CNTNAP2: variants seen among roughly 807,000 people sequenced by gnomAD.
The protein encoded by CNTNAP2 is contactin associated protein 2.
A neutral mutation model predicts 155.2 loss-of-function variants in CNTNAP2; 98 were observed. That is an observed-to-expected ratio of 0.63 (90% CI 0.54 to 0.75). The LOEUF is 0.75. CNTNAP2 is among the 30% of genes least tolerant of loss of function. The pLI is 0.00. For missense variants in CNTNAP2, 1,727 were observed against 1,688.1 expected (o/e 1.02, Z -0.40); for synonymous variants, 651 against 631.2 (o/e 1.03, Z -0.47).
At chr7:146,398,228 G>A (rs112600086) in intron 1 of CNTNAP2, among the ~76,000 whole-genome samples, 3,942 of 118,612 alleles carry the variant, frequency 0.033, 82 homozygotes, top group Middle Eastern at 0.12. Context: ...GTATTAGTTC[G>A]TTCTCCCACT....
At chr7:147,433,661 T>C (rs1797501589) in intron 10 of CNTNAP2, among the ~76,000 whole-genome samples, 1 of 152,214 alleles carries the variant, frequency 6.6e-6, no homozygotes, top group Non-Finnish European at 1.5e-5. Context: ...CAATCAAAAT[T>C]TGTTGTGAAC....
chr7:146,366,483 GACA>G (rs1795157614), intron 1 of CNTNAP2, among the ~76,000 whole-genome samples: 1 of 151,840 alleles, frequency 6.6e-6, no homozygotes, highest in Non-Finnish European at 1.5e-5. Flanking sequence ...TTACTCTTCA[GACA>G]ACAATCATAA....
At chr7:148,279,253 G>C (rs73462284) in intron 21 of CNTNAP2, among the ~76,000 whole-genome samples, 7,869 of 152,282 alleles carry the variant, frequency 0.052, 282 homozygotes, top group African/African-American at 0.11. Context: ...TGGACACTAA[G>C]AGACCATTTC....
At chr7:146,697,847 C>T (rs1319014492) in intron 1 of CNTNAP2, among the ~76,000 whole-genome samples, 1 of 151,846 alleles carries the variant, frequency 6.6e-6, no homozygotes, top group East Asian at 1.9e-4. Flanking sequence ...AGCCATTGTC[C>T]TTGTTTTTGT....
chr7:146,143,888 A>G (rs1797917814), intron 1 of CNTNAP2, among the ~76,000 whole-genome samples: 1 of 151,856 alleles, frequency 6.6e-6, no homozygotes, highest in African/African-American at 2.4e-5. Flanking sequence ...TCAGTCTCCC[A>G]TGTAGCTGGG....
At chr7:147,470,584 T>C (rs1307785977) in intron 10 of CNTNAP2, among the ~76,000 whole-genome samples, 1 of 151,806 alleles carries the variant, frequency 6.6e-6, no homozygotes, top group African/African-American at 2.4e-5. Flanking sequence ...GTGTCTTGGA[T>C]TGGGGTAATA....
intron 22 of CNTNAP2, among the ~76,000 whole-genome samples, chr7:148,400,660 T>C (rs2116698303): frequency 6.6e-6 from 1 of 152,300 alleles, no homozygotes; most frequent in African/African-American, 2.4e-5. Context: ...AGATTACTTG[T>C]AATACCTAAT....
At chr7:146,308,221 G>GA (rs1800751585) in intron 1 of CNTNAP2, among the ~76,000 whole-genome samples, 2 of 137,330 alleles carry the variant, frequency 1.5e-5, no homozygotes, top group Admixed American at 1.5e-4. Flanking sequence ...ACAGACACAT[G>GA]AAAAAATGCT....
At chr7:146,503,139 C>A (rs373508108) in intron 1 of CNTNAP2, among the ~76,000 whole-genome samples, 1 of 151,982 alleles carries the variant, frequency 6.6e-6, no homozygotes, top group Non-Finnish European at 1.5e-5. Context: ...TTCTGTAAGT[C>A]GTAATTTAAT....
intron 3 of CNTNAP2, among the ~76,000 whole-genome samples, chr7:146,983,315 C>A (rs1368898520): frequency 1.3e-5 from 2 of 152,082 alleles, no homozygotes; most frequent in Non-Finnish European, 2.9e-5. Flanking sequence ...TACCCTCTTA[C>A]CTAGAGGAAG....
intron 1 of CNTNAP2, among the ~76,000 whole-genome samples, chr7:146,223,262 G>A (rs143242518): frequency 6.6e-6 from 1 of 152,166 alleles, no homozygotes; most frequent in African/African-American, 2.4e-5. Context: ...AAGATGTTTG[G>A]ACAAGAGAGG....
At chr7:147,829,165 T>G (rs1375146522) in intron 13 of CNTNAP2, among the ~76,000 whole-genome samples, 1 of 152,196 alleles carries the variant, frequency 6.6e-6, no homozygotes, top group African/African-American at 2.4e-5. Context: ...AGATTTTTTT[T>G]CAGGTGGCCC....
At chr7:148,385,489 T>A (rs1585327554) in intron 22 of CNTNAP2, among the ~76,000 whole-genome samples, 1 of 152,180 alleles carries the variant, frequency 6.6e-6, no homozygotes, top group Non-Finnish European at 1.5e-5. Context: ...CCGTGAATGA[T>A]CTTTGCAAGG....
At chr7:147,690,949 A>C (rs1001322389) in intron 13 of CNTNAP2, among the ~76,000 whole-genome samples, 4 of 152,082 alleles carry the variant, frequency 2.6e-5, no homozygotes, top group Admixed American at 6.6e-5. Context: ...CAGCTTTTCT[A>C]GCAGTTATCT....
intron 10 of CNTNAP2, among the ~76,000 whole-genome samples, chr7:147,484,395 T>A (rs970903376): frequency 6.7e-6 from 1 of 148,868 alleles, no homozygotes; most frequent in African/African-American, 2.4e-5. Context: ...ACATGATTCC[T>A]CATGTGAAAT....
At chr7:147,252,907 A>T (rs1167903164) in intron 8 of CNTNAP2, among the ~76,000 whole-genome samples, 1 of 152,200 alleles carries the variant, frequency 6.6e-6, no homozygotes, top group Non-Finnish European at 1.5e-5. Context: ...ACAGTGTGGT[A>T]TGTGGTTTGT....
chr7:146,398,020 C>G (rs1316115664), intron 1 of CNTNAP2, among the ~76,000 whole-genome samples: 1 of 151,670 alleles, frequency 6.6e-6, no homozygotes, highest in East Asian at 1.9e-4. Context: ...ACTTCAGGCA[C>G]ACGCCACCAC....
intron 1 of CNTNAP2, among the ~76,000 whole-genome samples, chr7:146,632,425 CAAT>C (rs1409391944): frequency 6.6e-6 from 1 of 151,734 alleles, no homozygotes; most frequent in Non-Finnish European, 1.5e-5. Context: ...TACTGGCATC[CAAT>C]AATAAGATTT....
chr7:147,598,706 A>T (rs1800878363), intron 12 of CNTNAP2, among the ~76,000 whole-genome samples: 1 of 152,130 alleles, frequency 6.6e-6, no homozygotes, highest in Non-Finnish European at 1.5e-5. Context: ...CCCCACCCAA[A>T]TCTCATCTTG....
Sources: allele counts gnomAD v4.1 joint callset (sites outside exome capture counted in the v4.1 genomes callset), GRCh38; gene constraint gnomAD v4.1.1; transcripts MANE v1.5; gene names NCBI Gene and HGNC (gene_info 2026-07-23, HGNC 2026-07-21).